The following HERC2 variants were observed in gnomAD, a reference collection of about 807,000 sequenced individuals.
HERC2 encodes E3 ubiquitin-protein ligase HERC2.
Under a neutral mutation model 537.7 loss-of-function variants are expected in HERC2, and 102 were observed. The ratio of observed to expected loss-of-function variants is 0.19; its 90% CI spans 0.16 to 0.22. The LOEUF (loss-of-function observed/expected upper bound fraction) is 0.22, where lower values mean the gene tolerates loss of function less well. Among genes scored for constraint, HERC2 ranks in the 10% least tolerant of loss-of-function variants. The pLI is 1.00. For missense variants in HERC2, 4,236 were observed against 6,198.2 expected, an observed-to-expected ratio of 0.68 and a Z score of 10.63; for synonymous variants, 2,224 against 2,466.2, an observed-to-expected ratio of 0.90 and a Z score of 2.91.
intron 20 of HERC2, among the ~76,000 whole-genome samples, chr15:28,250,104 A>G (rs1472275081): frequency 8.1e-6 from 1 of 123,636 alleles, no homozygotes; most frequent in African/African-American, 3.1e-5. Context: ...GCACAACACC[A>G]AGAGTGAGGA....
Position 28,114,724 on chromosome 15 carries a change from G to C in HERC2, c.13801C>G (p.Leu4601Val). The stretch of plus-strand genomic sequence containing the variant: ...CTGGCACTTGGCACTGTGAAGGGCA[G>C]GCTCATGGCTTCAAACTCCTCTGAG... ...ATSEEFEAMSLPFTVPSASGQ... is the reference protein window; with the variant it reads ...ATSEEFEAMSVPFTVPSASGQ... The change falls in exon 90 of 93, where the codon CTG (leucine) becomes GTG (valine). Residue 4601 changes from leucine (L) to valine (V), a missense_variant. Around this residue, in one of 27 missense-constraint regions of HERC2, gnomAD observed 313 missense variants for 462.6 expected, o/e 0.68. Coordinates refer to ENST00000261609, the MANE Select transcript of HERC2 (RefSeq NM_004667.6). The C allele has an allele frequency of 1.2e-6, 2 of 1,614,136 alleles. No individual in the cohort carries two copies. The highest frequency in any genetic ancestry group is 1.7e-6 in the Non-Finnish European group (2 of 1,180,026).
At position 28,219,375 on chromosome 15, in the gene HERC2, A is replaced by G. The variant is rs146803901; in HGVS notation, c.5846-704T>C. Among the ~76,000 whole-genome samples the G allele has an allele frequency of 5.0e-3, 757 of 152,344 alleles. 7 individuals are homozygous for G. Among genetic ancestry groups the G allele is most frequent in the African/African-American group, 0.017 (713 of 41,580 alleles). ...CTGTGGGGAAAGGCCCCAGGCAGGGAGCCAGGCCTGCTTCCTGCAGGCAAG... is the reference window on the plus strand; with the variant it reads ...CTGTGGGGAAAGGCCCCAGGCAGGGGGCCAGGCCTGCTTCCTGCAGGCAAG... On this transcript the variant is annotated intron_variant, in intron 37 of 92. Coordinates refer to ENST00000261609, the MANE Select transcript of HERC2 (RefSeq NM_004667.6).
In HERC2 at chr15:28,268,562, G is replaced by C; in HGVS notation, c.1501C>G (p.His501Asp). 1 of 1,614,060 alleles carries C rather than the reference G, an allele frequency of 6.2e-7. No homozygotes were observed. The highest frequency in any genetic ancestry group is 8.5e-7 in the Non-Finnish European group (1 of 1,179,942). The change falls in exon 12 of 93, where the codon CAT becomes GAT. Residue 501 changes from histidine (H) to aspartate (D), a missense_variant. His to Asp is a moderately conservative substitution (Grantham distance 81). This residue lies in a region of HERC2 where 754 missense variants were observed against 1,085.0 expected (regional missense o/e 0.69). Coordinates refer to ENST00000261609, the MANE Select transcript of HERC2 (RefSeq NM_004667.6). The surrounding 1 kb of genome is among the most constrained non-coding windows in gnomAD (Gnocchi z 4.7). ...GCTAGGTAGTGGTGACCATCAGAATGGGCAGCAATTTTTACAATGTTTCTG... is the reference window on the plus strand; with the variant it reads ...GCTAGGTAGTGGTGACCATCAGAATCGGCAGCAATTTTTACAATGTTTCTG... ...ASRNIVKIAA[H>D]SDGHHYLALA...
intron 68 of HERC2, among the ~76,000 whole-genome samples, chr15:28,167,405 C>T (rs1260477049): frequency 3.3e-5 from 5 of 152,170 alleles, no homozygotes; most frequent in Non-Finnish European, 7.4e-5. Flanking sequence ...TTTAAGGATA[C>T]TATTGGGATG....
chr15:28,248,634 C>A lies in HERC2; in HGVS notation c.3153G>T (p.Leu1051Phe). Reference sequence around the variant, plus strand: ...AACGTTGAAAACGCAGTAACAAATCCAATGAAGCAGATCTTTCACGACTGT... The same window carrying A: ...AACGTTGAAAACGCAGTAACAAATCAAATGAAGCAGATCTTTCACGACTGT... ...EQHSRERSAS[L>F]DLLLRFQRLL... The change falls in exon 21 of 93, where the codon TTG becomes TTT. Residue 1051 changes from leucine to phenylalanine, a missense_variant. Leu to Phe is a conservative substitution (Grantham distance 22, BLOSUM62 0). This residue lies in a region of HERC2 where 754 missense variants were observed against 1,085.0 expected (regional missense o/e 0.69). Transcript: ENST00000261609. 2 of 1,613,866 alleles carry A rather than the reference C, an allele frequency of 1.2e-6. No individual in the cohort carries two copies. Among genetic ancestry groups the A allele is most frequent in the Non-Finnish European group, 1.7e-6 (2 of 1,179,746 alleles).
At chr15:28,258,568 T>G (rs2075330602) in intron 16 of HERC2, among the ~76,000 whole-genome samples, 1 of 151,998 alleles carries the variant, frequency 6.6e-6, no homozygotes, top group Admixed American at 6.6e-5. Context: ...GCGCCAAAAT[T>G]TGTAGGTTTA....
chr15:28,261,650 G>A (rs1020274961), intron 15 of HERC2, among the ~76,000 whole-genome samples: 2 of 152,092 alleles, frequency 1.3e-5, no homozygotes, highest in Non-Finnish European at 2.9e-5. Flanking sequence ...AATGATTGTC[G>A]TAGCTTTCCT....
chr15:28,222,230 A>G lies in HERC2; in HGVS notation c.5465-15T>C. 6.3e-7 allele frequency: 1 copy of G among 1,576,392 alleles called. No individual in the cohort carries two copies. Among genetic ancestry groups the G allele is most frequent in the Non-Finnish European group, 8.6e-7 (1 of 1,159,986 alleles). On this transcript the variant is annotated splice_polypyrimidine_tract_variant and intron_variant, in intron 35 of 92. Transcript: ENST00000261609. Reference sequence around the variant, plus strand: ...ACAACTGGGGCCTGATGGAGCGTCAAAAACAATAGCTGAGCCAACAAGTAG... The same window carrying G: ...ACAACTGGGGCCTGATGGAGCGTCAGAAACAATAGCTGAGCCAACAAGTAG...
intron 70 of HERC2, among the ~76,000 whole-genome samples, chr15:28,148,930 A>G (rs1355359059): frequency 2.1e-5 from 3 of 145,308 alleles, no homozygotes; most frequent in African/African-American, 7.8e-5. Flanking sequence ...CTCCTAACTG[A>G]AACATCACCG....
At chr15:28,201,576 AAAC>A in intron 47 of HERC2, 22 bp from the exon 48 acceptor site, 1 of 1,435,392 alleles carries the variant, frequency 7.0e-7, no homozygotes, top group Non-Finnish European at 9.8e-7. Context: ...AAATACATTC[AAAC>A]AAAAAAACAG....
chr15:28,165,106 C>T (rs1893993094), intron 68 of HERC2, among the ~76,000 whole-genome samples: 1 of 152,202 alleles, frequency 6.6e-6, no homozygotes, highest in Non-Finnish European at 1.5e-5. Context: ...GGGAAGGCAT[C>T]CACACATGGG....
At chr15:28,141,163 A>G (rs1891185635) in intron 78 of HERC2, among the ~76,000 whole-genome samples, 1 of 151,700 alleles carries the variant, frequency 6.6e-6, no homozygotes, top group Non-Finnish European at 1.5e-5. Flanking sequence ...ACTTGAACTC[A>G]GGAGGTGGAG....
chr15:28,137,839 A>G (rs1005519878), intron 78 of HERC2, among the ~76,000 whole-genome samples: 1 of 152,230 alleles, frequency 6.6e-6, no homozygotes, highest in African/African-American at 2.4e-5. Context: ...ATTAGTGAGT[A>G]AGGCACACTG....
rs182540215 is a variant in HERC2 at position 28,214,254 on chromosome 15, C to T, written c.6377G>A (p.Arg2126His). ...CAGCGAGGCCTGCGGGCGCACCCTG[C>T]GCCGCCTCAGCGTGGACTCTGAGGA... ...PLLRESTLRR[R>H]RVRPQASLTA... Residue 2126 changes from arginine (R) to histidine (H), a missense_variant, in exon 41 of 93, where the codon CGC becomes CAC. Transcript: ENST00000261609. 1.9e-5 allele frequency: 30 copies of T among 1,611,326 alleles called. No homozygotes were observed. The highest frequency in any genetic ancestry group is 5.0e-5 in the Admixed American group (3 of 59,976).
chr15:28,182,211 C>CG (rs796565731), intron 57 of HERC2, among the ~76,000 whole-genome samples, 190 bp downstream of exon 57: 14 of 152,184 alleles, frequency 9.2e-5, no homozygotes, highest in African/African-American at 3.1e-4. Context: ...TACAAGACCG[C>CG]AATAAGACAA....
chr15:28,317,974 A>C (rs2077133800), intron 2 of HERC2, among the ~76,000 whole-genome samples: 1 of 152,200 alleles, frequency 6.6e-6, no homozygotes, highest in Non-Finnish European at 1.5e-5. Context: ...AAAAGAACAC[A>C]AAAATAGAAA....
chr15:28,298,934 C>T (rs1328276414), intron 3 of HERC2, among the ~76,000 whole-genome samples: 1 of 152,114 alleles, frequency 6.6e-6, no homozygotes, highest in Non-Finnish European at 1.5e-5. Context: ...GACCAACGAA[C>T]TTCAACAGTG....
intron 26 of HERC2, among the ~76,000 whole-genome samples, chr15:28,235,499 C>CG (rs1314593049): frequency 1.3e-5 from 2 of 152,158 alleles, no homozygotes; most frequent in South Asian, 2.1e-4. Flanking sequence ...GTCCACCCAA[C>CG]GGGGGGCTGT....
At chr15:28,231,693 T>C (rs1166936759) in intron 30 of HERC2, among the ~76,000 whole-genome samples, 2 of 152,104 alleles carry the variant, frequency 1.3e-5, no homozygotes, top group African/African-American at 4.8e-5. Context: ...ATCTGTATCC[T>C]TTTTGCAGTA....
Sources: gnomAD v4.1 joint callset for allele counts (sites outside exome capture counted in the v4.1 genomes callset) on GRCh38, gnomAD v4.1.1 for gene constraint, gnomAD v4.1.1 regional missense constraint, Gnocchi (gnomAD v3.1) non-coding constraint, MANE v1.5 for transcripts, NCBI Gene and HGNC (gene_info 2026-07-23, HGNC 2026-07-21) for gene names.